Variants in CBLB observed in about 807,000 individuals in gnomAD.
CBLB encodes Cbl proto-oncogene B, also known as E3 ubiquitin-protein ligase CBL-B.
In CBLB, 31 loss-of-function variants were observed where a neutral mutation model predicts 104.9. The observed-to-expected ratio is 0.30, with a 90% CI of 0.22 to 0.40. The LOEUF (loss-of-function observed/expected upper bound fraction) is 0.40, where lower values mean the gene tolerates loss of function less well. Ranked by LOEUF, CBLB falls within the 10% of genes least tolerant of loss-of-function variation. The pLI, the probability that CBLB is intolerant of heterozygous loss-of-function variation, is 1.00. For synonymous variants in CBLB, 440 were observed against 422.6 expected (o/e 1.04, Z -0.51); for missense variants, 1,062 against 1,214.6 (o/e 0.87, Z 1.87).
At chr3:105,757,047 T>A (rs2077148925) in intron 4 of CBLB, among the ~76,000 whole-genome samples, 1 of 152,126 alleles carries the variant, frequency 6.6e-6, no homozygotes, top group African/African-American at 2.4e-5. Context: ...TTTCACCTTC[T>A]GCCATGAGCA....
Position 105,656,338 on chromosome 3 carries a change from G to A in CBLB, c.*2632C>T. 4.9e-6 allele frequency: 1 copy of A among 203,116 alleles called. No homozygotes were observed. The highest frequency in any genetic ancestry group is 1.0e-5 in the Non-Finnish European group (1 of 99,040). The allele number at this position is 203,116 out of a possible 1,614,324, so 12.6% of individuals were successfully genotyped here. A position where few individuals can be genotyped will look rare whatever the true frequency, so the allele number is the denominator to read the frequency against. On this transcript the variant is annotated 3_prime_UTR_variant, in exon 19 of 19. Transcript: ENST00000394030. ...AAATGGAAGGAATGTCTAACTTTTT[G>A]GATCACAGTGAAACAAAGTCTGGAT...
chr3:105,851,263 G>A (rs2090908847), intron 3 of CBLB, among the ~76,000 whole-genome samples: 1 of 152,140 alleles, frequency 6.6e-6, no homozygotes, highest in Non-Finnish European at 1.5e-5. Flanking sequence ...AAATTGTTAG[G>A]TGACAGAAGC....
intron 4 of CBLB, among the ~76,000 whole-genome samples, chr3:105,760,693 A>G (rs1158055291): frequency 6.6e-6 from 1 of 152,156 alleles, no homozygotes; most frequent in Non-Finnish European, 1.5e-5. Context: ...TTAACAACCA[A>G]TGAGTGAAGT....
At chr3:105,776,330 AC>A (rs1342501290) in intron 4 of CBLB, 65 bp downstream of exon 4, 26 of 1,373,046 alleles carry the variant, frequency 1.9e-5, no homozygotes, top group Admixed American at 3.4e-5. Context: ...ACCATATCCA[AC>A]TGGAGGGAGG....
intron 10 of CBLB, among the ~76,000 whole-genome samples, chr3:105,706,643 A>C (rs1243235887): frequency 1.3e-5 from 2 of 152,172 alleles, no homozygotes; most frequent in African/African-American, 4.8e-5. Flanking sequence ...ATTCTCCACC[A>C]TTCCTATTAG....
intron 3 of CBLB, among the ~76,000 whole-genome samples, chr3:105,824,943 G>A (rs1311337228): frequency 1.3e-5 from 2 of 152,154 alleles, no homozygotes; most frequent in Non-Finnish European, 2.9e-5. Flanking sequence ...ATCCTAGAGT[G>A]TAATCAGAAG....
In CBLB at chr3:105,707,520, C is replaced by T. The variant is rs114449289; in HGVS notation, c.1408-3347G>A. On this transcript the variant is annotated intron_variant, in intron 10 of 18. Coordinates refer to ENST00000394030, the MANE Select transcript of CBLB (RefSeq NM_170662.5). ...TTTGATAGTAATGCATTATTCTTTG[C>T]TGAACCTTTTACTATTTTTAAAAAC... 5.4e-3 allele frequency among the ~76,000 whole-genome samples: 826 copies of T among 152,198 alleles called. 9 individuals carry two copies. The highest frequency in any genetic ancestry group is 0.019 in the African/African-American group (779 of 41,536).
chr3:105,774,746 C>A (rs879128112), intron 4 of CBLB, among the ~76,000 whole-genome samples: 1 of 151,964 alleles, frequency 6.6e-6, no homozygotes, highest in South Asian at 2.1e-4. Context: ...AAAGTAAACT[C>A]CTCTCTTAAA....
intron 2 of CBLB, among the ~76,000 whole-genome samples, chr3:105,863,064 CTTCTAAAAA>C (rs2092220512): frequency 6.6e-6 from 1 of 152,048 alleles, no homozygotes; most frequent in African/African-American, 2.4e-5. Flanking sequence ...CATAAAGCAC[CTTCTAAAAA>C]GAAGAAAGAA....
intron 9 of CBLB, among the ~76,000 whole-genome samples, chr3:105,728,519 C>T (rs1348360826): frequency 1.3e-5 from 2 of 152,126 alleles, no homozygotes; most frequent in Non-Finnish European, 2.9e-5. Context: ...CATGGTAATG[C>T]TGCAGAATCA....
chr3:105,758,083 C>T (rs1576932388), intron 4 of CBLB, among the ~76,000 whole-genome samples: 1 of 152,240 alleles, frequency 6.6e-6, no homozygotes, highest in East Asian at 1.9e-4. Flanking sequence ...ACAGTTATTC[C>T]TTAAATCCAA....
chr3:105,796,123 C>A (rs1343016149), intron 3 of CBLB, among the ~76,000 whole-genome samples: 1 of 152,078 alleles, frequency 6.6e-6, no homozygotes, highest in African/African-American at 2.4e-5. Flanking sequence ...CAAAAAAGAG[C>A]CCAAGTAGCC....
chr3:105,766,415 T>C (rs1343964208), intron 4 of CBLB, among the ~76,000 whole-genome samples: 9 of 152,132 alleles, frequency 5.9e-5, no homozygotes, highest in Admixed American at 5.9e-4. Context: ...TAAAATATTA[T>C]CAAACAGCAT....
At chr3:105,796,550 G>C (rs1444628841) in intron 3 of CBLB, among the ~76,000 whole-genome samples, 1 of 152,116 alleles carries the variant, frequency 6.6e-6, no homozygotes, top group Admixed American at 6.6e-5. Flanking sequence ...TCATGAAGAA[G>C]ATGCCAAAAG....
upstream of CBLB, chr3:105,869,328 G>T: frequency 7.7e-7 from 1 of 1,291,060 alleles, no homozygotes; most frequent in Non-Finnish European, 1.0e-6. Flanking sequence ...AAGGCACGAA[G>T]GAGCTAACCA....
At chr3:105,801,477 G>A (rs2082858571) in intron 3 of CBLB, among the ~76,000 whole-genome samples, 1 of 152,140 alleles carries the variant, frequency 6.6e-6, no homozygotes, top group Admixed American at 6.5e-5. Flanking sequence ...AGTCAAATTA[G>A]TCATTTAGAC....
At chr3:105,843,616 C>G (rs1048126194) in intron 3 of CBLB, among the ~76,000 whole-genome samples, 1 of 151,910 alleles carries the variant, frequency 6.6e-6, no homozygotes, top group East Asian at 1.9e-4. Flanking sequence ...AAGGTACTTA[C>G]AAATTCAATT....
chr3:105,745,799 T>C, intron 6 of CBLB, 118 bp downstream of exon 6: 1 of 932,114 alleles, frequency 1.1e-6, no homozygotes, highest in Non-Finnish European at 1.7e-6. Context: ...TCTTTTACCT[T>C]TTCTAGCCCC....
Position 105,811,133 on chromosome 3 carries a change from T to G in CBLB, c.420-34591A>C, listed in dbSNP as rs181391774. ...AACCTTAATTAGGCCTTTCCCTGAATAGTAGAGAAGTCCTGCTGGGCAAAA... is the reference window on the plus strand; with the variant it reads ...AACCTTAATTAGGCCTTTCCCTGAAGAGTAGAGAAGTCCTGCTGGGCAAAA... On this transcript the variant is annotated intron_variant, in intron 3 of 18. Coordinates refer to ENST00000394030, the MANE Select transcript of CBLB (RefSeq NM_170662.5). Among the ~76,000 whole-genome samples the G allele has an allele frequency of 4.8e-3, 737 of 152,312 alleles. 2 individuals are homozygous for G. The highest frequency in any genetic ancestry group is 0.024 in the Middle Eastern group (7 of 294).
Sources: allele counts gnomAD v4.1 joint callset (sites outside exome capture counted in the v4.1 genomes callset), GRCh38; gene constraint gnomAD v4.1.1; transcripts MANE v1.5; gene names NCBI Gene and HGNC (gene_info 2026-07-23, HGNC 2026-07-21).